The following ERCC8 variants were observed in gnomAD, a reference collection of about 807,000 sequenced individuals.
ERCC8 encodes the protein DNA excision repair protein ERCC-8.
Under a neutral mutation model 54.9 loss-of-function variants are expected in ERCC8, and 52 were observed. The ratio of observed to expected loss-of-function variants is 0.95; its 90% confidence interval spans 0.76 to 1.19. ERCC8 has a LOEUF of 1.19. ERCC8 is among the 50% of genes most tolerant of loss of function. ERCC8 has a pLI of 0.00. For synonymous variants in ERCC8, 146 were observed against 157.2 expected (o/e 0.93, Z 0.53); for missense variants, 514 against 466.1 (o/e 1.10, Z -0.95).
chr5:60,878,733 T>TA (rs201507355), intron 11 of ERCC8, among the ~76,000 whole-genome samples: 29,862 of 152,114 alleles, frequency 0.2, 3,545 homozygotes, highest in Non-Finnish European at 0.27. Context: ...TATCATTTTT[T>TA]TTGCGTCTAT....
chr5:60,882,301 G>A (rs562596467), intron 11 of ERCC8, among the ~76,000 whole-genome samples: 47 of 152,272 alleles, frequency 3.1e-4, no homozygotes, highest in African/African-American at 1.1e-3. Flanking sequence ...AGAAGAGCTG[G>A]AAAACAATAT....
intron 4 of ERCC8, among the ~76,000 whole-genome samples, chr5:60,912,156 G>T (rs1403304483): frequency 6.6e-6 from 1 of 152,088 alleles, no homozygotes; most frequent in Non-Finnish European, 1.5e-5. Context: ...AATGGGGATG[G>T]TATTCAATCT....
intron 9 of ERCC8, among the ~76,000 whole-genome samples, chr5:60,894,608 T>C (rs1265229891): frequency 6.6e-6 from 1 of 152,122 alleles, no homozygotes. Context: ...AGTGTGAGCA[T>C]CACCTGAAGC....
Position 60,898,307 on chromosome 5 carries a change from A to G in ERCC8, c.812T>C (p.Leu271Pro), listed in dbSNP as rs886060721. 1.2e-5 allele frequency: 20 copies of G among 1,613,644 alleles called. No homozygotes were observed. Among genetic ancestry groups the G allele is most frequent in the Non-Finnish European group, 1.7e-5 (20 of 1,179,672 alleles). Residue 271 changes from leucine to proline, a missense_variant, in exon 9 of 12, where the codon CTC becomes CCC. Physicochemically the swap from Leu to Pro is moderately conservative, Grantham distance 98. Coordinates refer to ENST00000676185, the MANE Select transcript of ERCC8 (RefSeq NM_000082.4). ...GTTTTCTCCATTGGAACTATTCCAG[A>G]GCCTCATTCGATTATCTGTACCAAC... Reference protein sequence around the residue: ...LTVGTDNRMRLWNSSNGENTL... With the variant: ...LTVGTDNRMRPWNSSNGENTL...
chr5:60,886,419 C>T (rs980359370), intron 11 of ERCC8, among the ~76,000 whole-genome samples: 2 of 151,990 alleles, frequency 1.3e-5, no homozygotes, highest in East Asian at 1.9e-4. Flanking sequence ...TTAAAAATGT[C>T]GGCTAGGGGT....
At position 60,874,686 on chromosome 5, in the gene ERCC8, A is replaced by T. The variant is rs970894700; in HGVS notation, c.1123-3T>A. Reference sequence around the variant, plus strand: ...TTTAATTGTGATTTTGTTGTAGTCTAAAAAAAAAAAAGATAAAGAAAAAGG... The same window carrying T: ...TTTAATTGTGATTTTGTTGTAGTCTTAAAAAAAAAAAGATAAAGAAAAAGG... On this transcript the variant is annotated splice_polypyrimidine_tract_variant and splice_region_variant and intron_variant, in intron 11 of 11. Coordinates refer to ENST00000676185, the MANE Select transcript of ERCC8 (RefSeq NM_000082.4). 55 of 372,064 alleles carry T rather than the reference A, an allele frequency of 1.5e-4. No homozygotes were observed. The highest frequency in any genetic ancestry group is 2.1e-4 in the Non-Finnish European group (52 of 250,518). 23.0% of individuals were successfully genotyped at this position (372,064 alleles called of 1,614,324 possible).
intron 9 of ERCC8, chr5:60,893,277 A>G: frequency 9.8e-7 from 1 of 1,020,032 alleles, no homozygotes; most frequent in Non-Finnish European, 1.6e-6. Flanking sequence ...AACATATTTA[A>G]TTCCTGCAAA....
chr5:60,903,648 C>T lies in ERCC8; in HGVS notation c.550G>A (p.Gly184Ser), dbSNP rs1462459648. 50 of 1,612,106 alleles carry T rather than the reference C, an allele frequency of 3.1e-5. No homozygotes were observed. The highest frequency in any genetic ancestry group is 4.2e-5 in the Non-Finnish European group (49 of 1,178,956). Residue 184 changes from glycine to serine, a missense_variant and splice_region_variant, in exon 6 of 12, where the codon GGT becomes AGT. Physicochemically the swap from Gly to Ser is moderately conservative, Grantham distance 56. Coordinates refer to ENST00000676185, the MANE Select transcript of ERCC8 (RefSeq NM_000082.4). ...GCCGTTTGAAATAAAATAAAAATACCCTGTAGAATGTGAGAACAGGATCCA... is the reference window on the plus strand; with the variant it reads ...GCCGTTTGAAATAAAATAAAAATACTCTGTAGAATGTGAGAACAGGATCCA... ...KSGSCSHILQ[G>S]HRQEILAVSW...
At chr5:60,914,349 CTT>C (rs890598992) in intron 4 of ERCC8, among the ~76,000 whole-genome samples, 11 of 152,076 alleles carry the variant, frequency 7.2e-5, no homozygotes, top group African/African-American at 2.4e-4. Flanking sequence ...TAATGGCCTT[CTT>C]TGTCTCTTTT....
chr5:60,875,732 T>A (rs1747978385), intron 11 of ERCC8, among the ~76,000 whole-genome samples: 1 of 152,192 alleles, frequency 6.6e-6, no homozygotes, highest in South Asian at 2.1e-4. Context: ...AATCTCACAC[T>A]GTCGCCCGGG....
At chr5:60,911,275 T>A (rs562684156) in intron 4 of ERCC8, among the ~76,000 whole-genome samples, 81 of 152,216 alleles carry the variant, frequency 5.3e-4, no homozygotes, top group Non-Finnish European at 9.1e-4. Context: ...CCTGACTTTT[T>A]AATAATCGCC....
At chr5:60,891,385 G>GTCC (rs1237188658) in intron 9 of ERCC8, among the ~76,000 whole-genome samples, 1 of 152,006 alleles carries the variant, frequency 6.6e-6, no homozygotes, top group Non-Finnish European at 1.5e-5. Flanking sequence ...TTAAAAAAAC[G>GTCC]TAAGACATTA....
At position 60,945,067 on chromosome 5, in the gene ERCC8, G is replaced by T. The variant is rs376009266; in HGVS notation, c.-59C>A. 5 of 1,507,618 alleles carry T rather than the reference G, an allele frequency of 3.3e-6. No homozygotes were observed. Among genetic ancestry groups the T allele is most frequent in the Non-Finnish European group, 4.6e-6 (5 of 1,083,104 alleles). 93.4% of individuals were successfully genotyped at this position (1,507,618 alleles called of 1,614,324 possible). On this transcript the variant is annotated 5_prime_UTR_variant, in exon 1 of 12. Transcript: ENST00000676185. The stretch of plus-strand genomic sequence containing the variant: ...TCGCCATGACAGAGCTCAGGGGCGG[G>T]ACTGGAACAGCAGAGTCTCCCATTG...
chr5:60,893,251 G>C lies in ERCC8; in HGVS notation c.844-2165C>G, dbSNP rs545686341. ...TGTAATAAGCCTTCATAGTGGCCTC[G>C]TCATCCAGCTGAGGAAACATATTTA... On this transcript the variant is annotated intron_variant, in intron 9 of 11. Coordinates refer to ENST00000676185, the MANE Select transcript of ERCC8 (RefSeq NM_000082.4). 24 of 1,005,238 alleles carry C rather than the reference G, an allele frequency of 2.4e-5. No homozygotes were observed. The Middle Eastern group carries it at 8.4e-4, about 35-fold the overall frequency. 62.3% of individuals were successfully genotyped at this position (1,005,238 alleles called of 1,614,324 possible).
At position 60,909,243 on chromosome 5, in the gene ERCC8, G is replaced by GA. The variant is rs60064294; in HGVS notation, c.400-4371dup. 4.0e-3 allele frequency among the ~76,000 whole-genome samples: 79 copies of GA among 19,948 alleles called. 16 individuals are homozygous for GA. The highest frequency in any genetic ancestry group is 5.6e-3 in the Non-Finnish European group (63 of 11,234). 13.1% of individuals were successfully genotyped at this position (19,948 alleles called of 152,430 possible). A position where few individuals can be genotyped will look rare whatever the true frequency, so the allele number is the denominator to read the frequency against. On this transcript the variant is annotated intron_variant, in intron 4 of 11. Coordinates refer to ENST00000676185, the MANE Select transcript of ERCC8 (RefSeq NM_000082.4). ...AATGCAGACAAAAATGCCCTATTCT[G>GA]AAAAAAAAAAAAAAAAAAAAAAAAA...
chr5:60,890,926 T>G lies in ERCC8; in HGVS notation c.1004A>C (p.Lys335Thr). The G allele has an allele frequency of 6.2e-7, 1 of 1,613,616 alleles. No homozygotes were observed. The highest frequency in any genetic ancestry group is 8.5e-7 in the Non-Finnish European group (1 of 1,179,704). Residue 335 changes from lysine to threonine, a missense_variant, in exon 10 of 12, where the codon AAA (lysine) becomes ACA (threonine). Transcript: ENST00000676185. ...CTGAAATACACAGCAGTCAACAGTTTTATAATGTCCCTTAAGCATAGTTAT... is the reference window on the plus strand; with the variant it reads ...CTGAAATACACAGCAGTCAACAGTTGTATAATGTCCCTTAAGCATAGTTAT... ...EQITMLKGHYKTVDCCVFQSN... is the reference protein window; with the variant it reads ...EQITMLKGHYTTVDCCVFQSN...
In ERCC8 at chr5:60,874,667, T is replaced by C; in HGVS notation, c.1139A>G (p.Gln380Arg). 6.2e-7 allele frequency: 1 copy of C among 1,610,934 alleles called. No homozygotes were observed. The highest frequency in any genetic ancestry group is 8.5e-7 in the Non-Finnish European group (1 of 1,179,248). The change falls in exon 12 of 12, where the codon CAA becomes CGA. Residue 380 changes from glutamine to arginine, a missense_variant. Transcript: ENST00000676185. Reference protein sequence around the residue: ...PDDDETTTKSQLNPAFEDAWS... With the variant: ...PDDDETTTKSRLNPAFEDAWS... The stretch of plus-strand genomic sequence containing the variant: ...GGCATCTTCAAAGGCCGGATTTAAT[T>C]GTGATTTTGTTGTAGTCTAAAAAAA...
At chr5:60,897,131 T>C (rs1401898923) in intron 9 of ERCC8, among the ~76,000 whole-genome samples, 1 of 152,110 alleles carries the variant, frequency 6.6e-6, no homozygotes, top group Non-Finnish European at 1.5e-5. Context: ...CTTTTTTCTT[T>C]CCCTGACTAG....
chr5:60,905,868 A>G lies in ERCC8; in HGVS notation c.400-995T>C, dbSNP rs558439577. ...GGGTTTTTCAAAGGTAGTTTGGGGG[A>G]AGGGGTGGGAGTGGTTAGATGATGA... is the stretch of plus-strand genomic sequence containing the variant. On this transcript the variant is annotated intron_variant, in intron 4 of 11. Transcript: ENST00000676185. 5.3e-5 allele frequency among the ~76,000 whole-genome samples: 8 copies of G among 151,956 alleles called. No individual in the cohort carries two copies. In the East Asian group the frequency reaches 1.6e-3, roughly 29 times the overall value.
Sources: allele counts gnomAD v4.1 joint callset (sites outside exome capture counted in the v4.1 genomes callset), GRCh38; gene constraint gnomAD v4.1.1; transcripts MANE v1.5; gene names NCBI Gene and HGNC (gene_info 2026-07-23, HGNC 2026-07-21).